The following IQGAP2 variants were observed in gnomAD, a reference collection of about 807,000 sequenced individuals.
The protein encoded by IQGAP2 is ras GTPase-activating-like protein IQGAP2.
In IQGAP2, 173 loss-of-function variants were observed where a neutral mutation model predicts 201.3. The observed-to-expected ratio is 0.86, with a 90% CI of 0.76 to 0.98. IQGAP2 has a LOEUF of 0.98. Ranked by LOEUF, IQGAP2 falls within the 50% of genes least tolerant of loss-of-function variation. IQGAP2 has a pLI of 0.00. For missense variants in IQGAP2, 1,687 were observed against 1,864.8 expected (o/e 0.90, Z 1.76); for synonymous variants, 675 against 673.9 (o/e 1.00, Z -0.03).
chr5:76,701,184 G>T lies in IQGAP2; in HGVS notation c.4476G>T (p.Leu1492=), dbSNP rs764111756. 2.1e-5 allele frequency: 34 copies of T among 1,614,114 alleles called. No individual in the cohort carries two copies. Among genetic ancestry groups the T allele is most frequent in the Non-Finnish European group, 2.8e-5 (33 of 1,180,010 alleles). The stretch of plus-strand genomic sequence containing the variant: ...CAAAGCTGCATGAGAAAGGTGTCCT[G>T]CTAGATATAGATGATCTTCAAACAA... ...TAAKLHEKGV[L]LDIDDLQTNQ... Residue 1492 remains leucine, a synonymous_variant, in exon 34 of 36, where the codon CTG becomes CTT. Coordinates refer to ENST00000274364, the MANE Select transcript of IQGAP2 (RefSeq NM_006633.5).
At chr5:76,510,877 C>T (rs985722102) in intron 2 of IQGAP2, 4 of 365,516 alleles carry the variant, frequency 1.1e-5, no homozygotes, top group Non-Finnish European at 2.1e-5. Context: ...CTCTTTGCAC[C>T]TGTGGGGAGG....
chr5:76,699,742 TCACTCTCGTG>T (rs1208333760), intron 33 of IQGAP2, among the ~76,000 whole-genome samples: 46 of 66,726 alleles, frequency 6.9e-4, no homozygotes, highest in African/African-American at 9.5e-4. Context: ...TCTCTCACTC[TCACTCTCGTG>T]CTCTCTCTCT....
chr5:76,486,307 T>C (rs1164120298), intron 2 of IQGAP2, among the ~76,000 whole-genome samples: 1 of 152,228 alleles, frequency 6.6e-6, no homozygotes, highest in Non-Finnish European at 1.5e-5. Flanking sequence ...ATGTTTGCCC[T>C]GTACATAAAT....
chr5:76,681,491 A>C (rs1008694021), intron 28 of IQGAP2, among the ~76,000 whole-genome samples: 1 of 152,032 alleles, frequency 6.6e-6, no homozygotes, highest in African/African-American at 2.4e-5. Context: ...AACTGCAAGG[A>C]GATACCACTC....
At chr5:76,471,126 G>A (rs932186643) in intron 2 of IQGAP2, among the ~76,000 whole-genome samples, 2 of 152,148 alleles carry the variant, frequency 1.3e-5, no homozygotes, top group Admixed American at 1.3e-4. Flanking sequence ...CTAGGTTGAG[G>A]AACTTAATCC....
chr5:76,533,601 C>T (rs904464020), intron 2 of IQGAP2, among the ~76,000 whole-genome samples: 1 of 151,988 alleles, frequency 6.6e-6, no homozygotes, highest in African/African-American at 2.4e-5. Context: ...AGTGCAGTGG[C>T]ACGATCTTGG....
intron 35 of IQGAP2, among the ~76,000 whole-genome samples, chr5:76,703,464 A>C (rs1257258648): frequency 6.6e-6 from 1 of 152,028 alleles, no homozygotes; most frequent in Non-Finnish European, 1.5e-5. Flanking sequence ...CCCCTAGAAT[A>C]GTTTTTACGT....
intron 2 of IQGAP2, among the ~76,000 whole-genome samples, chr5:76,472,935 G>A (rs924713328): frequency 7.9e-5 from 12 of 152,130 alleles, no homozygotes; most frequent in African/African-American, 2.9e-4. Flanking sequence ...CACCAGGCAC[G>A]GTGCTTTAAG....
chr5:76,481,895 T>A (rs1480110825), intron 2 of IQGAP2, among the ~76,000 whole-genome samples: 1 of 152,170 alleles, frequency 6.6e-6, no homozygotes, highest in Non-Finnish European at 1.5e-5. Flanking sequence ...CTCTTAGGGA[T>A]CTTCTGATTA....
rs1406232589 is a variant in IQGAP2 at position 76,592,908 on chromosome 5, A to G, written c.890A>G (p.Asn297Ser). ...CTGACACAAGCAGAAATCCAAGGCAATATTAATAAAGTCAACAGTAAGTAA... is the reference window on the plus strand; with the variant it reads ...CTGACACAAGCAGAAATCCAAGGCAGTATTAATAAAGTCAACAGTAAGTAA... Reference protein sequence around the residue: ...ELLTQAEIQGNINKVNRQAAV... With the variant: ...ELLTQAEIQGSINKVNRQAAV... Residue 297 changes from asparagine to serine, a missense_variant, in exon 9 of 36, where the codon AAT becomes AGT. Coordinates refer to ENST00000274364, the MANE Select transcript of IQGAP2 (RefSeq NM_006633.5). The G allele has an allele frequency of 1.2e-6, 2 of 1,607,644 alleles. No homozygotes were observed. The highest frequency in any genetic ancestry group is 8.5e-7 in the Non-Finnish European group (1 of 1,174,278).
At chr5:76,468,734 C>T (rs566435735) in intron 2 of IQGAP2, among the ~76,000 whole-genome samples, 1 of 152,370 alleles carries the variant, frequency 6.6e-6, no homozygotes, top group East Asian at 1.9e-4. Context: ...TTGTGCCGCA[C>T]TGCTCTGTGC....
intron 1 of IQGAP2, among the ~76,000 whole-genome samples, chr5:76,426,941 T>TGTGC (rs1752044402): frequency 6.7e-6 from 1 of 149,908 alleles, no homozygotes; most frequent in Non-Finnish European, 1.5e-5. Context: ...TGTGTGAGTG[T>TGTGC]GTGCAGGACT....
At chr5:76,682,974 A>G (rs1745433285) in intron 28 of IQGAP2, 141 bp from the exon 29 acceptor site, 1 of 498,476 alleles carries the variant, frequency 2.0e-6, no homozygotes. Context: ...AACTGTATCT[A>G]TGTCTCTAAT....
intron 2 of IQGAP2, among the ~76,000 whole-genome samples, chr5:76,463,811 CTT>C (rs1470279417): frequency 6.6e-6 from 1 of 151,382 alleles, no homozygotes; most frequent in Non-Finnish European, 1.5e-5. Context: ...ATTTATGAAT[CTT>C]TTATTAAGAC....
At chr5:76,500,375 AT>A (rs1196349961) in intron 2 of IQGAP2, among the ~76,000 whole-genome samples, 2 of 152,128 alleles carry the variant, frequency 1.3e-5, no homozygotes, top group Non-Finnish European at 2.9e-5. Context: ...ATAACTTAAA[AT>A]TTTTTTCTTA....
intron 1 of IQGAP2, among the ~76,000 whole-genome samples, chr5:76,418,206 CAA>C (rs11329998): frequency 0.01 from 887 of 85,758 alleles, 3 homozygotes; most frequent in Middle Eastern, 0.061. Context: ...GACTCCGTCT[CAA>C]AAAAAAAAAA....
chr5:76,476,664 CT>C, intron 2 of IQGAP2, among the ~76,000 whole-genome samples: 1 of 152,134 alleles, frequency 6.6e-6, no homozygotes, highest in Middle Eastern at 3.4e-3. Flanking sequence ...GGGGTCAGGA[CT>C]TTTACTAGAG....
intron 13 of IQGAP2, among the ~76,000 whole-genome samples, chr5:76,619,571 C>T (rs1749401261): frequency 7.1e-6 from 1 of 141,584 alleles, no homozygotes; most frequent in South Asian, 2.2e-4. Context: ...GGCTGGAGTG[C>T]AGTGGCACGA....
At position 76,703,991 on chromosome 5, in the gene IQGAP2, A is replaced by G. The variant is rs144746530; in HGVS notation, c.4614+1401A>G. Among the ~76,000 whole-genome samples, 866 of 152,312 alleles carry G rather than the reference A, an allele frequency of 5.7e-3. 8 individuals are homozygous for G. The highest frequency in any genetic ancestry group is 0.02 in the African/African-American group (820 of 41,562). On this transcript the variant is annotated intron_variant, in intron 35 of 35. Transcript: ENST00000274364. ...CTTTTCTGGCAGCCCTTGTAAGTTTAAAAGAAAAACGGGAGCTGAATGGGT... is the reference window on the plus strand; with the variant it reads ...CTTTTCTGGCAGCCCTTGTAAGTTTGAAAGAAAAACGGGAGCTGAATGGGT...
Sources: gnomAD v4.1 joint callset for allele counts (sites outside exome capture counted in the v4.1 genomes callset) on GRCh38, gnomAD v4.1.1 for gene constraint, MANE v1.5 for transcripts, NCBI Gene and HGNC (gene_info 2026-07-23, HGNC 2026-07-21) for gene names.